Variants in ZNF804B observed in about 807,000 individuals in gnomAD.
ZNF804B encodes the protein zinc finger 804B.
In ZNF804B, 80 loss-of-function variants were observed where a neutral mutation model predicts 101.4. The ratio of observed to expected loss-of-function variants is 0.79; its 90% confidence interval spans 0.66 to 0.95. The LOEUF is 0.95. Ranked by LOEUF, ZNF804B falls within the 40% of genes least tolerant of loss-of-function variation. The probability of loss-of-function intolerance (pLI) is 0.00; values close to 1 mark genes in which losing one functional copy is unlikely to be tolerated. For synonymous variants in ZNF804B, 622 were observed against 558.8 expected (o/e 1.11, Z -1.59); for missense variants, 1,673 against 1,561.9 (o/e 1.07, Z -1.20).
At chr7:89,120,506 A>C (rs941591851) in intron 1 of ZNF804B, among the ~76,000 whole-genome samples, 2 of 151,532 alleles carry the variant, frequency 1.3e-5, no homozygotes, top group Non-Finnish European at 2.9e-5. Context: ...AAATACAAAA[A>C]AATTAGCCGG....
intron 1 of ZNF804B, among the ~76,000 whole-genome samples, chr7:88,970,718 C>CA (rs1240588120): frequency 6.9e-6 from 1 of 145,518 alleles, no homozygotes; most frequent in African/African-American, 2.5e-5. Flanking sequence ...ATCGCAAGGA[C>CA]AAAAAAACCA....
At chr7:89,061,422 A>C (rs943474960) in intron 1 of ZNF804B, among the ~76,000 whole-genome samples, 1 of 151,800 alleles carries the variant, frequency 6.6e-6, no homozygotes, top group African/African-American at 2.4e-5. Context: ...TATTCATATC[A>C]GGGAAACGAC....
intron 2 of ZNF804B, among the ~76,000 whole-genome samples, chr7:89,261,243 T>C (rs572664034): frequency 2.2e-4 from 33 of 152,328 alleles, no homozygotes; most frequent in African/African-American, 7.5e-4. Flanking sequence ...TTTGTATGTA[T>C]AAGTTTTGAT....
chr7:89,155,975 TTTCC>T (rs150793477), intron 1 of ZNF804B, among the ~76,000 whole-genome samples: 6 of 150,008 alleles, frequency 4.0e-5, no homozygotes, highest in African/African-American at 1.5e-4. Flanking sequence ...TCTCTCTCTC[TTTCC>T]TTCCTTCCTT....
chr7:88,810,518 A>G lies in ZNF804B; in HGVS notation c.108+50434A>G, dbSNP rs186160504. Among the ~76,000 whole-genome samples the G allele has an allele frequency of 1.1e-3, 165 of 151,726 alleles. 1 individual carries two copies. The highest frequency in any genetic ancestry group is 3.7e-3 in the Admixed American group (57 of 15,234). On this transcript the variant is annotated intron_variant, in intron 1 of 3. Coordinates refer to ENST00000333190, the MANE Select transcript of ZNF804B (RefSeq NM_181646.5). ...AGTCCAAAAAAAAAAAAAAATTATC[A>G]AGGTGTGGTGCTGCACACCTGTAGT...
intron 1 of ZNF804B, among the ~76,000 whole-genome samples, chr7:89,070,557 A>C (rs187025912): frequency 6.6e-6 from 1 of 152,228 alleles, no homozygotes; most frequent in African/African-American, 2.4e-5. Flanking sequence ...AAGTTAACTA[A>C]GTTCTCTGAG....
At chr7:88,792,213 G>A (rs1274696237) in intron 1 of ZNF804B, among the ~76,000 whole-genome samples, 3 of 152,024 alleles carry the variant, frequency 2.0e-5, no homozygotes, top group African/African-American at 7.2e-5. Flanking sequence ...GCATTCAAGG[G>A]GAGAGAGTTA....
At chr7:89,295,896 A>G (rs1790374612) in intron 2 of ZNF804B, among the ~76,000 whole-genome samples, 1 of 152,132 alleles carries the variant, frequency 6.6e-6, no homozygotes, top group East Asian at 1.9e-4. Context: ...GTAAAGTAAC[A>G]CATGAGTGGA....
At chr7:89,187,282 A>G (rs1788388535) in intron 1 of ZNF804B, among the ~76,000 whole-genome samples, 1 of 152,158 alleles carries the variant, frequency 6.6e-6, no homozygotes, top group African/African-American at 2.4e-5. Flanking sequence ...TTTAAATGAA[A>G]GAGAATATAT....
intron 1 of ZNF804B, among the ~76,000 whole-genome samples, chr7:89,208,740 C>T (rs1479084449): frequency 6.6e-6 from 1 of 152,052 alleles, no homozygotes; most frequent in Non-Finnish European, 1.5e-5. Flanking sequence ...AGACTGGGCA[C>T]GGTGGCTCAC....
At position 89,336,804 on chromosome 7, in the gene ZNF804B, C is replaced by T; in HGVS notation, c.3822C>T (p.Thr1274=). The T allele has an allele frequency of 6.2e-7, 1 of 1,613,972 alleles. No homozygotes were observed. Among genetic ancestry groups the T allele is most frequent in the Non-Finnish European group, 8.5e-7 (1 of 1,179,994 alleles). The change falls in exon 4 of 4, where the codon ACC becomes ACT. Residue 1274 remains threonine, a synonymous_variant. Transcript: ENST00000333190. ...AGHPLHLVAA[T]PFHPSHITLQ... ...ATCCCCTGCATTTAGTAGCTGCTAC[C>T]CCCTTCCACCCATCTCACATAACAC...
chr7:89,318,058 C>T lies in ZNF804B; in HGVS notation c.250-9286C>T, dbSNP rs139891740. ...GGATCAGTCATCAAAGAACACTCTTCAATATTAATAAACCTCATTTATGGT... is the reference window on the plus strand; with the variant it reads ...GGATCAGTCATCAAAGAACACTCTTTAATATTAATAAACCTCATTTATGGT... On this transcript the variant is annotated intron_variant, in intron 2 of 3. Coordinates refer to ENST00000333190, the MANE Select transcript of ZNF804B (RefSeq NM_181646.5). Among the ~76,000 whole-genome samples the T allele has an allele frequency of 7.9e-5, 12 of 152,284 alleles. No individual in the cohort carries two copies. The East Asian group carries it at 2.3e-3, about 29-fold the overall frequency.
chr7:88,988,488 A>G lies in ZNF804B; in HGVS notation c.108+228404A>G, dbSNP rs992866930. The stretch of plus-strand genomic sequence containing the variant: ...ATGCATTCACTGACGTATATACAGC[A>G]TCAACAGGTGTTAATAACAACTATT... On this transcript the variant is annotated intron_variant, in intron 1 of 3. Transcript: ENST00000333190. 2.0e-5 allele frequency among the ~76,000 whole-genome samples: 3 copies of G among 152,190 alleles called. No individual in the cohort carries two copies. In the East Asian group the frequency reaches 5.8e-4, roughly 29 times the overall value.
chr7:88,978,193 T>C (rs1385117972), intron 1 of ZNF804B, among the ~76,000 whole-genome samples: 1 of 151,672 alleles, frequency 6.6e-6, no homozygotes, highest in Non-Finnish European at 1.5e-5. Flanking sequence ...AAGAGACTAA[T>C]GTGGATTCTG....
chr7:88,900,571 C>CA (rs1792373449), intron 1 of ZNF804B, among the ~76,000 whole-genome samples: 1 of 144,630 alleles, frequency 6.9e-6, no homozygotes, highest in Admixed American at 7.1e-5. Flanking sequence ...TAGTATGTGT[C>CA]AGGCACTGTG....
intron 1 of ZNF804B, among the ~76,000 whole-genome samples, chr7:88,808,526 C>T (rs1352678556): frequency 6.6e-6 from 1 of 151,916 alleles, no homozygotes; most frequent in African/African-American, 2.4e-5. Flanking sequence ...GTGAGATCTC[C>T]TCACCTCTAA....
intron 1 of ZNF804B, among the ~76,000 whole-genome samples, chr7:88,931,804 A>T (rs912029735): frequency 9.2e-5 from 14 of 152,016 alleles, no homozygotes; most frequent in Admixed American, 8.5e-4. Context: ...TTATAAGAAA[A>T]GTGATTCAAT....
At chr7:89,108,428 A>T (rs1790167501) in intron 1 of ZNF804B, among the ~76,000 whole-genome samples, 1 of 152,078 alleles carries the variant, frequency 6.6e-6, no homozygotes, top group Non-Finnish European at 1.5e-5. Flanking sequence ...ATGAGGAGGG[A>T]AGGAAAAGTA....
At position 88,889,700 on chromosome 7, in the gene ZNF804B, G is replaced by A. The variant is rs527811192; in HGVS notation, c.108+129616G>A. Among the ~76,000 whole-genome samples, 8 of 119,038 alleles carry A rather than the reference G, an allele frequency of 6.7e-5. No individual in the cohort carries two copies. In the Admixed American group the frequency reaches 6.8e-4, roughly 10 times the overall value. The allele number at this position is 119,038 out of a possible 152,430, so 78.1% of individuals were successfully genotyped here. ...AGACATATGCCACTTGCATAGTTGG[G>A]GAATATTTACTGCCATTCTGTAAGT... On this transcript the variant is annotated intron_variant, in intron 1 of 3. Coordinates refer to ENST00000333190, the MANE Select transcript of ZNF804B (RefSeq NM_181646.5).
Sources: gnomAD v4.1 joint callset for allele counts (sites outside exome capture counted in the v4.1 genomes callset) on GRCh38, gnomAD v4.1.1 for gene constraint, MANE v1.5 for transcripts, NCBI Gene and HGNC (gene_info 2026-07-23, HGNC 2026-07-21) for gene names.